The following LPIN2 variants were observed in gnomAD, a reference collection of about 807,000 sequenced individuals.
The protein encoded by LPIN2 is phosphatidate phosphatase LPIN2.
In LPIN2, 55 loss-of-function variants were observed where a neutral mutation model predicts 111.4. The observed-to-expected ratio is 0.49, with a 90% CI of 0.40 to 0.62. The LOEUF is 0.62. Ranked by LOEUF, LPIN2 falls within the 20% of genes least tolerant of loss-of-function variation. The probability of loss-of-function intolerance (pLI) is 0.00; values close to 1 mark genes in which losing one functional copy is unlikely to be tolerated. For missense variants in LPIN2, 992 were observed against 1,112.1 expected, an observed-to-expected ratio of 0.89 and a Z score of 1.54; for synonymous variants, 425 against 414.0, an observed-to-expected ratio of 1.03 and a Z score of -0.32.
intron 4 of LPIN2, chr18:2,946,899 A>G: frequency 3.3e-6 from 1 of 301,224 alleles, no homozygotes; most frequent in Non-Finnish European, 6.4e-6. Context: ...TTCCCGTAAG[A>G]CATATGGAGC....
At chr18:2,943,115 T>C (rs895306022) in intron 4 of LPIN2, among the ~76,000 whole-genome samples, 5 of 152,238 alleles carry the variant, frequency 3.3e-5, no homozygotes, top group Admixed American at 3.3e-4. Flanking sequence ...GGAGGTTACA[T>C]GGATGTATAT....
chr18:2,921,725 C>T, intron 17 of LPIN2, 78 bp from the exon 18 acceptor site: 1 of 977,554 alleles, frequency 1.0e-6, no homozygotes, highest in Non-Finnish European at 1.6e-6. Flanking sequence ...AATTTTAGTG[C>T]TCACAACCAC....
chr18:3,012,805 G>C (rs1456740357), intron 1 of LPIN2, among the ~76,000 whole-genome samples: 2 of 151,806 alleles, frequency 1.3e-5, no homozygotes, highest in African/African-American at 4.8e-5. Context: ...CTGACGCCCC[G>C]ACGCCCCCGG....
At chr18:2,983,371 T>C (rs2078140725) in intron 1 of LPIN2, among the ~76,000 whole-genome samples, 2 of 152,204 alleles carry the variant, frequency 1.3e-5, no homozygotes. Flanking sequence ...AAGCAGAATT[T>C]ATTAATTTCA....
At chr18:2,986,625 T>C (rs1777081082) in intron 1 of LPIN2, among the ~76,000 whole-genome samples, 2 of 151,794 alleles carry the variant, frequency 1.3e-5, no homozygotes, top group South Asian at 2.1e-4. Flanking sequence ...ACACATTTAC[T>C]GTAAGAATTA....
At position 3,003,888 on chromosome 18, in the gene LPIN2, G is replaced by T. The variant is rs142880280; in HGVS notation, c.-10+9199C>A. Among the ~76,000 whole-genome samples, 18 of 152,308 alleles carry T rather than the reference G, an allele frequency of 1.2e-4. No homozygotes were observed. In the East Asian group the frequency reaches 3.5e-3, roughly 29 times the overall value. On this transcript the variant is annotated intron_variant, in intron 1 of 19. Transcript: ENST00000677752. ...TTCTTCTTGCAGAGAGCCTATAAAT[G>T]AACGTGTAAGTAGGAGAGATATCGC... is the stretch of plus-strand genomic sequence containing the variant.
At chr18:2,945,018 C>A (rs546283253) in intron 4 of LPIN2, among the ~76,000 whole-genome samples, 7 of 152,244 alleles carry the variant, frequency 4.6e-5, no homozygotes, top group African/African-American at 1.7e-4. Context: ...ACTTACTATA[C>A]TACCTCAGAA....
At chr18:2,972,571 T>C (rs2077938444) in intron 1 of LPIN2, among the ~76,000 whole-genome samples, 1 of 152,206 alleles carries the variant, frequency 6.6e-6, no homozygotes. Flanking sequence ...GAACATTAAT[T>C]TTCTTCAGAA....
intron 1 of LPIN2, chr18:2,977,145 T>C (rs532289011): frequency 5.6e-4 from 84 of 150,530 alleles, no homozygotes; most frequent in African/African-American, 1.9e-3. Flanking sequence ...GAGGCAGAGG[T>C]TGCCTCCTAC....
At chr18:3,000,027 TTTG>T (rs1228949161) in intron 1 of LPIN2, among the ~76,000 whole-genome samples, 434 of 23,936 alleles carry the variant, frequency 0.018, 2 homozygotes, top group African/African-American at 0.025. Context: ...CTATCTCTGT[TTTG>T]TTTTTTTTTT....
chr18:2,984,498 G>A (rs945048685), intron 1 of LPIN2, among the ~76,000 whole-genome samples: 42 of 152,064 alleles, frequency 2.8e-4, no homozygotes, highest in African/African-American at 9.9e-4. Flanking sequence ...GGGTGCTGCC[G>A]GTGGAGAAAA....
intron 1 of LPIN2, among the ~76,000 whole-genome samples, chr18:2,972,925 G>GT (rs2077945766): frequency 6.6e-6 from 1 of 152,166 alleles, no homozygotes. Context: ...TGTACATGAG[G>GT]TGACAGATGC....
intron 1 of LPIN2, among the ~76,000 whole-genome samples, chr18:2,962,202 C>A (rs938883958): frequency 1.3e-5 from 2 of 151,812 alleles, no homozygotes; most frequent in Non-Finnish European, 2.9e-5. Flanking sequence ...CAAGGCCCAT[C>A]AGTTCTACAC....
chr18:2,928,709 A>G (rs775569640), intron 10 of LPIN2, 49 bp from the exon 11 acceptor site: 2 of 1,396,694 alleles, frequency 1.4e-6, no homozygotes, highest in Middle Eastern at 1.8e-4. Context: ...GAAAGTGAGC[A>G]AGAGAGAGGG....
intron 1 of LPIN2, among the ~76,000 whole-genome samples, chr18:2,988,371 TTAAG>T (rs1567855977): frequency 1.3e-5 from 2 of 152,240 alleles, no homozygotes; most frequent in Admixed American, 6.5e-5. Flanking sequence ...AATGCTATAC[TTAAG>T]TGTTATGAAG....
chr18:2,962,106 T>A (rs2077722622), intron 1 of LPIN2, among the ~76,000 whole-genome samples: 1 of 152,208 alleles, frequency 6.6e-6, no homozygotes, highest in Non-Finnish European at 1.5e-5. Context: ...GCACAGAAAT[T>A]CACTCTGCTC....
intron 12 of LPIN2, 42 bp downstream of exon 12, chr18:2,927,680 T>A (rs1421537650): frequency 6.3e-7 from 1 of 1,590,682 alleles, no homozygotes; most frequent in Admixed American, 1.7e-5. Flanking sequence ...GAAAGATTCA[T>A]TTCTTTCAGC....
At chr18:2,981,472 C>T (rs2078109553) in intron 1 of LPIN2, among the ~76,000 whole-genome samples, 1 of 152,188 alleles carries the variant, frequency 6.6e-6, no homozygotes, top group Non-Finnish European at 1.5e-5. Flanking sequence ...CTGGAAAACA[C>T]CAGCAGACAC....
intron 1 of LPIN2, among the ~76,000 whole-genome samples, chr18:2,963,376 T>C (rs539032377): frequency 4.0e-4 from 61 of 152,174 alleles, no homozygotes; most frequent in South Asian, 3.5e-3. Flanking sequence ...CCAGCATAGC[T>C]ACACAATAAG....
Sources: gnomAD v4.1 joint callset for allele counts (sites outside exome capture counted in the v4.1 genomes callset) on GRCh38, gnomAD v4.1.1 for gene constraint, MANE v1.5 for transcripts, NCBI Gene and HGNC (gene_info 2026-07-23, HGNC 2026-07-21) for gene names.